The following SGSH variants were observed in gnomAD, a reference collection of about 807,000 sequenced individuals.
The protein encoded by SGSH is heparan sulfate sulfatase.
SGSH carries 48 observed loss-of-function variants against 51.0 expected under a neutral mutation model. The ratio of observed to expected loss-of-function variants is 0.94; its 90% CI spans 0.75 to 1.20. The LOEUF (loss-of-function observed/expected upper bound fraction) is 1.20. Among genes scored for constraint, SGSH ranks in the 50% most tolerant of loss-of-function variants. The pLI is 0.00. For missense variants in SGSH, 662 were observed against 717.8 expected (o/e 0.92, Z 0.89); for synonymous variants, 321 against 313.4 (o/e 1.02, Z -0.26).
chr17:80,212,008 G>C lies in SGSH; in HGVS notation c.949+63C>G, dbSNP rs547174357. The C allele has an allele frequency of 4.3e-6, 6 of 1,385,530 alleles. No homozygotes were observed. In the African/African-American group the frequency reaches 8.5e-5, roughly 20 times the overall value. 85.8% of individuals were successfully genotyped at this position (1,385,530 alleles called of 1,614,324 possible). A position where few individuals can be genotyped will look rare whatever the true frequency, so the allele number is the denominator to read the frequency against. ...AATGGGTGTGGAGCAGCATCTGACAGGTCATGGCCCCGTCCCAGATCCACT... is the reference window on the plus strand; with the variant it reads ...AATGGGTGTGGAGCAGCATCTGACACGTCATGGCCCCGTCCCAGATCCACT... On this transcript the variant is annotated intron_variant, in intron 7 of 7. Coordinates refer to ENST00000326317, the MANE Select transcript of SGSH (RefSeq NM_000199.5). The surrounding 1 kb of genome is among the most constrained non-coding windows in gnomAD (Gnocchi z 5.9).
Position 80,217,104 on chromosome 17 carries a change from G to T in SGSH, c.177C>A (p.Leu59=). The T allele has an allele frequency of 6.2e-7, 1 of 1,605,926 alleles. No individual in the cohort carries two copies. The highest frequency in any genetic ancestry group is 8.5e-7 in the Non-Finnish European group (1 of 1,177,510). Residue 59 remains leucine (L), a synonymous_variant, in exon 2 of 8, where the codon CTC becomes CTA. Transcript: ENST00000326317. ...HLDALARRSL[L]FRNAFTSVSS... ...TGACCGAGGTGAAGGCATTGCGAAAGAGGAGGCTGCGGCGGGCCAAGGCGT... is the reference window on the plus strand; with the variant it reads ...TGACCGAGGTGAAGGCATTGCGAAATAGGAGGCTGCGGCGGGCCAAGGCGT...
Position 80,213,629 on chromosome 17 carries a change from G to T in SGSH, c.745+175C>A. 1 of 650,450 alleles carries T rather than the reference G, an allele frequency of 1.5e-6. No individual in the cohort carries two copies. The highest frequency in any genetic ancestry group is 2.7e-6 in the Non-Finnish European group (1 of 371,202). 40.3% of individuals were successfully genotyped at this position (650,450 alleles called of 1,614,324 possible). ...CCACATCAGGGCAGCCCCGGGGTTGGGTCCTGATGCCACCCACAGGCCCCT... is the reference window on the plus strand; with the variant it reads ...CCACATCAGGGCAGCCCCGGGGTTGTGTCCTGATGCCACCCACAGGCCCCT... On this transcript the variant is annotated intron_variant, in intron 6 of 7. Transcript: ENST00000326317. This position sits in a 1 kb window ranked among gnomAD's most constrained non-coding sequence, Gnocchi z 4.6.
At chr17:80,201,788 G>A (rs2144429422), downstream of SGSH, 1 of 1,614,032 alleles carries the variant, frequency 6.2e-7, no homozygotes, top group Non-Finnish European at 8.5e-7. The surrounding 1 kb of genome is among the most constrained non-coding windows in gnomAD (Gnocchi z 5.0). Context: ...CAGTCCTGGA[G>A]GACACGACCC....
At position 80,211,076 on chromosome 17, in the gene SGSH, G is replaced by A. The variant is rs537972451; in HGVS notation, c.950-65C>T. 1,512 of 1,586,710 alleles carry A rather than the reference G, an allele frequency of 9.5e-4. 25 individuals carry two copies. In the South Asian group the frequency reaches 0.016, roughly 17 times the overall value. On this transcript the variant is annotated intron_variant, in intron 7 of 7. Coordinates refer to ENST00000326317, the MANE Select transcript of SGSH (RefSeq NM_000199.5). ...GCACACAGGAGCTGCCCTCGGAAGG[G>A]CCGAACCTACGCCACTCTGGGCGGC...
chr17:80,212,880 C>T lies in SGSH; in HGVS notation c.746-606G>A, dbSNP rs1224229545. On this transcript the variant is annotated intron_variant, in intron 6 of 7. Transcript: ENST00000326317. The surrounding 1 kb of genome is among the most constrained non-coding windows in gnomAD (Gnocchi z 5.9). ...GAAGTGCTCAGGTAGGCCCTAAACC[C>T]GACGGGGTCCTTATAAGAAGCGGAA... is the stretch of plus-strand genomic sequence containing the variant. 1.2e-5 allele frequency: 2 copies of T among 165,470 alleles called. No individual in the cohort carries two copies. Among genetic ancestry groups the T allele is most frequent in the African/African-American group, 2.4e-5 (1 of 41,580 alleles). 10.3% of individuals were successfully genotyped at this position (165,470 alleles called of 1,614,324 possible).
Position 80,214,173 on chromosome 17 carries a change from A to G in SGSH, c.662T>C (p.Leu221Pro). The change falls in exon 5 of 8, where the codon CTG becomes CCG. Residue 221 changes from leucine to proline, a missense_variant and splice_region_variant. By Grantham distance (98) the Leu-to-Pro change is moderately conservative. Coordinates refer to ENST00000326317, the MANE Select transcript of SGSH (RefSeq NM_000199.5). ...GAAACACAGGAGGGGCCGTCCTACC[A>G]GCACGTCCAGTGGGTCGTAGGCCTG... ...TPQAYDPLDV[L>P]VPYFVPNTPA... 1 of 1,607,958 alleles carries G rather than the reference A, an allele frequency of 6.2e-7. No individual in the cohort carries two copies. The highest frequency in any genetic ancestry group is 8.5e-7 in the Non-Finnish European group (1 of 1,178,234).
At chr17:80,208,396 G>T, downstream of SGSH, 1 of 1,474,300 alleles carries the variant, frequency 6.8e-7, no homozygotes, top group Non-Finnish European at 9.2e-7. Flanking sequence ...GCCTGTTAAT[G>T]CAGTCCTGTT....
rs770947426 is a variant in SGSH at position 80,210,880 on chromosome 17, CG to C, written c.1080del (p.Val361SerfsTer52). 1.1e-4 allele frequency: 171 copies of C among 1,612,968 alleles called. No individual in the cohort carries two copies. The highest frequency in any genetic ancestry group is 1.5e-4 in the Admixed American group (9 of 60,032). On this transcript the variant is annotated frameshift_variant, in exon 8 of 8. Coordinates refer to ENST00000326317, the MANE Select transcript of SGSH (RefSeq NM_000199.5). LOFTEE classifies it high-confidence loss of function. ...TCGTGGTGGCTCTGGCTGCCAAAGA[CG>C]GTGGCCCAGAGGGGCTCGGCCTCCA... ...PALEAEPLWA[T>X]VFGSQSHHEV...
chr17:80,211,378 C>A (rs148632366), intron 7 of SGSH: 4 of 345,646 alleles, frequency 1.2e-5, no homozygotes, highest in East Asian at 1.5e-4. Flanking sequence ...ATGTGGGCCG[C>A]GAGCTCGGAG....
chr17:80,220,227 G>T lies in SGSH; in HGVS notation c.87C>A (p.Leu29=). The stretch of plus-strand genomic sequence containing the variant: ...TGGGGGGGCGGCGCCGGCACTCACC[G>T]AGGAGCAGCAGTGCGTTCCGGGGAC... ...RARPRNALLL[L]ADDGGFESGA... is the part of the protein sequence containing the mutation. The change falls in exon 1 of 8, where the codon CTC becomes CTA. Residue 29 remains leucine, a splice_region_variant and synonymous_variant. Coordinates refer to ENST00000326317, the MANE Select transcript of SGSH (RefSeq NM_000199.5). 6.6e-7 allele frequency: 1 copy of T among 1,519,378 alleles called. No individual in the cohort carries two copies. Among genetic ancestry groups the T allele is most frequent in the Non-Finnish European group, 8.8e-7 (1 of 1,139,704 alleles). 94.1% of individuals were successfully genotyped at this position (1,519,378 alleles called of 1,614,324 possible).
At chr17:80,202,670 C>T (rs1219184105), downstream of SGSH, 2 of 1,307,854 alleles carry the variant, frequency 1.5e-6, no homozygotes, top group African/African-American at 1.5e-5. Flanking sequence ...GGTTTCTTAG[C>T]TTTGGTACCA....
chr17:80,210,105 A>C lies in SGSH; in HGVS notation c.*347T>G. 1 of 1,171,590 alleles carries C rather than the reference A, an allele frequency of 8.5e-7. No individual in the cohort carries two copies. Among genetic ancestry groups the C allele is most frequent in the Non-Finnish European group, 1.1e-6 (1 of 942,400 alleles). The allele number at this position is 1,171,590 out of a possible 1,614,324, so 72.6% of individuals were successfully genotyped here. A position where few individuals can be genotyped will look rare whatever the true frequency, so the allele number is the denominator to read the frequency against. Reference sequence around the variant, plus strand: ...TTTGCAGGTCCCCAAACCAAGCCAGAAAACAAGACTCCCTTGTCATGGGCT... The same window carrying C: ...TTTGCAGGTCCCCAAACCAAGCCAGCAAACAAGACTCCCTTGTCATGGGCT... On this transcript the variant is annotated 3_prime_UTR_variant, in exon 8 of 8. Transcript: ENST00000326317.
chr17:80,216,640 G>A lies in SGSH; in HGVS notation c.249+392C>T, dbSNP rs115752685. ...CGGTGTCCGCTCCCTGCACCATGGC[G>A]TTCCTGGGACACTGTGGCCATGGCG... is the stretch of plus-strand genomic sequence containing the variant. On this transcript the variant is annotated intron_variant, in intron 2 of 7. Transcript: ENST00000326317. 2.6e-3 allele frequency: 675 copies of A among 259,576 alleles called. 7 individuals carry two copies. Among genetic ancestry groups the A allele is most frequent in the African/African-American group, 0.014 (638 of 46,582 alleles). The allele number at this position is 259,576 out of a possible 1,614,324, so 16.1% of individuals were successfully genotyped here.
downstream of SGSH, chr17:80,204,765 C>T (rs777138941): frequency 1.7e-4 from 79 of 462,356 alleles, no homozygotes; most frequent in Non-Finnish European, 2.9e-4. Flanking sequence ...CGCCATCCTC[C>T]CTTGGGCCTA....
Position 80,213,834 on chromosome 17 carries a change from G to C in SGSH, c.715C>G (p.Gln239Glu). 6.2e-7 allele frequency: 1 copy of C among 1,608,316 alleles called. No homozygotes were observed. The highest frequency in any genetic ancestry group is 8.5e-7 in the Non-Finnish European group (1 of 1,179,146). Residue 239 changes from glutamine to glutamate, a missense_variant, in exon 6 of 8, where the codon CAG becomes GAG. Coordinates refer to ENST00000326317, the MANE Select transcript of SGSH (RefSeq NM_000199.5). This position sits in a 1 kb window ranked among gnomAD's most constrained non-coding sequence, Gnocchi z 4.6. The part of the protein sequence containing the change: ...TPAARADLAA[Q>E]YTTVGRMDQG... ...TCCATGCGGCCGACGGTGGTGTACT[G>C]AGCGGCCAGGTCGGCTCGGGCTGCC...
rs575555131 is a variant in SGSH at position 80,209,726 on chromosome 17, C to T, written c.*726G>A. 3.2e-4 allele frequency: 319 copies of T among 985,412 alleles called. No homozygotes were observed. The highest frequency in any genetic ancestry group is 3.7e-4 in the Non-Finnish European group (306 of 830,072). 61.0% of individuals were successfully genotyped at this position (985,412 alleles called of 1,614,324 possible). A position where few individuals can be genotyped will look rare whatever the true frequency, so the allele number is the denominator to read the frequency against. ...CGAAGAATTAACCCAAGCCAGAGGA[C>T]GGGCATCGCCATGCCTTCATCTTCG... On this transcript the variant is annotated 3_prime_UTR_variant, in exon 8 of 8. Coordinates refer to ENST00000326317, the MANE Select transcript of SGSH (RefSeq NM_000199.5).
intron 7 of SGSH, chr17:80,211,230 G>A: frequency 1.5e-6 from 2 of 1,367,622 alleles, no homozygotes; most frequent in Non-Finnish European, 1.9e-6. Flanking sequence ...TGACATTTAG[G>A]ATCCTTCTAA....
rs376787615 is a variant in SGSH, at chr17:80,210,659, C to T, written c.1302G>A (p.Ala434=). 2.5e-5 allele frequency: 40 copies of T among 1,613,778 alleles called. No homozygotes were observed. The highest frequency in any genetic ancestry group is 1.5e-4 in the Admixed American group (9 of 60,002). ...YKDLRHYYYR[A]RWELYDRSRD... is the part of the protein sequence containing the mutation. The stretch of plus-strand genomic sequence containing the variant: ...GGCTCCGGTCGTAGAGCTCCCAGCG[C>T]GCCCGGTAGTAGTAATGACGGAGGT... Residue 434 remains alanine (A), a synonymous_variant, in exon 8 of 8, where the codon GCG becomes GCA. Coordinates refer to ENST00000326317, the MANE Select transcript of SGSH (RefSeq NM_000199.5).
rs201413321 is a variant in SGSH at position 80,210,986 on chromosome 17, C to A, written c.975G>T (p.Trp325Cys). 3.8e-6 allele frequency: 6 copies of A among 1,598,938 alleles called. No individual in the cohort carries two copies. Among genetic ancestry groups the A allele is most frequent in the Non-Finnish European group, 5.1e-6 (6 of 1,179,820 alleles). Residue 325 changes from tryptophan to cysteine, a missense_variant, in exon 8 of 8, where the codon TGG (tryptophan) becomes TGT (cysteine). Trp to Cys is a radical substitution (Grantham distance 215). Coordinates refer to ENST00000326317, the MANE Select transcript of SGSH (RefSeq NM_000199.5). ...CGTAGCTGGGGTACGGGATCGAGAA[C>A]CAATCCAAGATGGTGGGCGTGAGGT... The part of the protein sequence containing the change: ...LLDLTPTILD[W>C]FSIPYPSYAI...
Sources: gnomAD v4.1 joint callset for allele counts on GRCh38, gnomAD v4.1.1 for gene constraint, Gnocchi (gnomAD v3.1) non-coding constraint, MANE v1.5 for transcripts, NCBI Gene and HGNC (gene_info 2026-07-23, HGNC 2026-07-21) for gene names.